Variants in USO1 observed in about 807,000 individuals in gnomAD.
USO1 encodes the protein USO1 vesicle transport factor.
USO1 carries 57 observed loss-of-function variants against 124.5 expected under a neutral mutation model. That is an observed-to-expected ratio of 0.46 (90% CI 0.37 to 0.57). The LOEUF is 0.57. Ranked by LOEUF, USO1 falls within the 20% of genes least tolerant of loss-of-function variation. USO1 has a pLI of 0.00. For missense variants in USO1, 900 were observed against 1,040.6 expected (o/e 0.86, Z 1.86); for synonymous variants, 369 against 362.8 (o/e 1.02, Z -0.19).
intron 1 of USO1, among the ~76,000 whole-genome samples, chr4:75,739,376 T>C (rs13133144): frequency 0.55 from 83,161 of 151,842 alleles, 24,048 homozygotes; most frequent in East Asian, 0.81. Flanking sequence ...TATTTGTAGA[T>C]GGTACAGCAG....
chr4:75,732,892 A>G (rs2149137955), intron 1 of USO1, among the ~76,000 whole-genome samples: 1 of 150,632 alleles, frequency 6.6e-6, no homozygotes, highest in Non-Finnish European at 1.5e-5. Flanking sequence ...AAAAAAAAAA[A>G]AAAAAAGTCA....
intron 10 of USO1, among the ~76,000 whole-genome samples, chr4:75,788,170 TA>T (rs139541406): frequency 0.088 from 8,079 of 92,260 alleles, 223 homozygotes; most frequent in East Asian, 0.21. Context: ...TTTATTTATT[TA>T]TTTTTTTTTT....
intron 7 of USO1, among the ~76,000 whole-genome samples, chr4:75,772,293 G>A (rs1406668162): frequency 1.3e-5 from 2 of 152,094 alleles, no homozygotes; most frequent in Admixed American, 1.3e-4. Flanking sequence ...CTGGAGTGCA[G>A]TGGCATGATC....
intron 5 of USO1, 112 bp from the exon 6 acceptor site, chr4:75,770,710 C>A: frequency 6.6e-7 from 1 of 1,514,512 alleles, no homozygotes; most frequent in East Asian, 2.3e-5. Flanking sequence ...TTAAAGTATG[C>A]TAAACTTCCA....
intron 1 of USO1, among the ~76,000 whole-genome samples, chr4:75,745,112 G>C (rs1721086361): frequency 6.6e-6 from 1 of 152,008 alleles, no homozygotes; most frequent in Non-Finnish European, 1.5e-5. Flanking sequence ...GAGCTGCCCT[G>C]TTCTTTCTAT....
chr4:75,735,064 A>G (rs968760726), intron 1 of USO1, among the ~76,000 whole-genome samples: 12 of 152,210 alleles, frequency 7.9e-5, no homozygotes, highest in African/African-American at 2.6e-4. Flanking sequence ...ATCCATGAGC[A>G]TGGGATGTTT....
At chr4:75,744,952 T>C in intron 1 of USO1, 1 of 495,438 alleles carries the variant, frequency 2.0e-6, no homozygotes, top group South Asian at 1.5e-5. Flanking sequence ...AAACAGTGAC[T>C]GTTCCAGATG....
rs1458389480 is a variant in USO1, at chr4:75,814,009, C to T, written c.*714C>T. ...ACATCTAAAACAAATTTCAAGTTAACAGTTCATACAACTCAGATTTAGTAG... is the reference window on the plus strand; with the variant it reads ...ACATCTAAAACAAATTTCAAGTTAATAGTTCATACAACTCAGATTTAGTAG... On this transcript the variant is annotated 3_prime_UTR_variant, in exon 24 of 24. Coordinates refer to ENST00000514213, the MANE Select transcript of USO1 (RefSeq NM_003715.4). 2 of 152,202 alleles carry T rather than the reference C, an allele frequency of 1.3e-5. No individual in the cohort carries two copies. The highest frequency in any genetic ancestry group is 1.5e-5 in the Non-Finnish European group (1 of 68,036). 9.4% of individuals were successfully genotyped at this position (152,202 alleles called of 1,614,324 possible).
intron 1 of USO1, among the ~76,000 whole-genome samples, chr4:75,727,864 C>A (rs1311432778): frequency 6.6e-6 from 1 of 152,122 alleles, no homozygotes; most frequent in Admixed American, 6.6e-5. Context: ...TCTGTACTTT[C>A]CCCCAGCACG....
intron 3 of USO1, among the ~76,000 whole-genome samples, chr4:75,754,331 C>T (rs1721376241): frequency 6.6e-6 from 1 of 151,932 alleles, no homozygotes; most frequent in African/African-American, 2.4e-5. Context: ...GATCCGCCCA[C>T]CTCAGCCTCC....
intron 1 of USO1, among the ~76,000 whole-genome samples, chr4:75,750,598 C>T (rs1471693206): frequency 6.6e-6 from 1 of 152,068 alleles, no homozygotes; most frequent in Non-Finnish European, 1.5e-5. Context: ...ATTCTCCTGC[C>T]TCAGCTTCCC....
chr4:75,753,871 C>T (rs1721356347), intron 3 of USO1, among the ~76,000 whole-genome samples: 1 of 151,002 alleles, frequency 6.6e-6, no homozygotes, highest in Non-Finnish European at 1.5e-5. Flanking sequence ...GCAAGCTCCG[C>T]CTCCCGAGTT....
At chr4:75,789,561 C>T (rs1420636856) in intron 10 of USO1, among the ~76,000 whole-genome samples, 2 of 152,204 alleles carry the variant, frequency 1.3e-5, no homozygotes, top group Non-Finnish European at 2.9e-5. Context: ...AAGCATGAGT[C>T]ACCACGCCTG....
At chr4:75,730,235 A>T (rs935041951) in intron 1 of USO1, among the ~76,000 whole-genome samples, 3 of 152,240 alleles carry the variant, frequency 2.0e-5, no homozygotes, top group Non-Finnish European at 4.4e-5. Flanking sequence ...CATTTAAATT[A>T]TACATGCCGT....
intron 1 of USO1, among the ~76,000 whole-genome samples, chr4:75,740,258 G>A (rs781694803): frequency 1.1e-3 from 170 of 152,212 alleles, no homozygotes; most frequent in Non-Finnish European, 2.0e-3. Flanking sequence ...AGAGGCTTGC[G>A]GGAAACTAAC....
intron 13 of USO1, 145 bp downstream of exon 13, chr4:75,794,046 T>C: frequency 7.5e-7 from 1 of 1,326,030 alleles, no homozygotes. Flanking sequence ...AACAGTTTTG[T>C]GGAGAAAAAG....
rs541784544 is a variant in USO1 at position 75,791,197 on chromosome 4, A to G, written c.1240+400A>G. Among the ~76,000 whole-genome samples the G allele has an allele frequency of 9.2e-5, 14 of 152,312 alleles. No homozygotes were observed. In the East Asian group the frequency reaches 2.7e-3, roughly 29 times the overall value. On this transcript the variant is annotated intron_variant, in intron 12 of 23. Transcript: ENST00000514213. ...ACTTAGCATGTATAGATGCCAGTAAACAGAATCTACTGTTAATTATAATTG... is the reference window on the plus strand; with the variant it reads ...ACTTAGCATGTATAGATGCCAGTAAGCAGAATCTACTGTTAATTATAATTG...
intron 1 of USO1, among the ~76,000 whole-genome samples, chr4:75,727,982 G>A (rs1258125366): frequency 1.3e-5 from 2 of 152,048 alleles, no homozygotes; most frequent in Non-Finnish European, 1.5e-5. Context: ...GGTTCATAAT[G>A]TATTTTAATC....
At chr4:75,743,361 C>T (rs1002819575) in intron 1 of USO1, among the ~76,000 whole-genome samples, 8 of 152,056 alleles carry the variant, frequency 5.3e-5, no homozygotes, top group African/African-American at 1.9e-4. Flanking sequence ...AGTCGGTTTT[C>T]CTACTCTTCT....
Sources: gnomAD v4.1 joint callset for allele counts (sites outside exome capture counted in the v4.1 genomes callset) on GRCh38, gnomAD v4.1.1 for gene constraint, MANE v1.5 for transcripts, NCBI Gene and HGNC (gene_info 2026-07-23, HGNC 2026-07-21) for gene names.